SEMA3D: variants seen among roughly 807,000 people sequenced by gnomAD.
The protein encoded by SEMA3D is semaphorin 3D.
A neutral mutation model predicts 100.1 loss-of-function variants in SEMA3D; 84 were observed. The observed-to-expected ratio is 0.84, with a 90% confidence interval of 0.70 to 1.01. The LOEUF is 1.01. Ranked by LOEUF, SEMA3D falls within the 50% of genes least tolerant of loss-of-function variation. SEMA3D has a pLI of 0.00. For missense variants in SEMA3D, 875 were observed against 934.1 expected (o/e 0.94, Z 0.82); for synonymous variants, 312 against 320.7 (o/e 0.97, Z 0.29).
rs73394629 is a variant in SEMA3D, at chr7:85,016,377, C to A, written c.1546-1161G>T. On this transcript the variant is annotated intron_variant, in intron 15 of 18. Coordinates refer to ENST00000284136, the MANE Select transcript of SEMA3D (RefSeq NM_001384900.1). ...TATAAGTATAAATGTAATAACCCCC[C>A]CTAAATCTACTCCTCCTGCCCTACC... Among the ~76,000 whole-genome samples, 1,319 of 151,602 alleles carry A rather than the reference C, an allele frequency of 8.7e-3. 30 individuals are homozygous for A. Among genetic ancestry groups the A allele is most frequent in the African/African-American group, 0.03 (1,251 of 41,388 alleles).
In SEMA3D at chr7:85,041,809, G is replaced by A. The variant is rs559571718; in HGVS notation, c.976+362C>T. On this transcript the variant is annotated intron_variant, in intron 10 of 18. Transcript: ENST00000284136. ...CTGTACTTGCCAGCAGAGGGCACCC[G>A]TGGAATAAGGAATCCAAGATTTTCC... 6.0e-5 allele frequency: 11 copies of A among 182,422 alleles called. No homozygotes were observed. The East Asian group carries it at 1.3e-3, about 21-fold the overall frequency. 11.3% of individuals were successfully genotyped at this position (182,422 alleles called of 1,614,324 possible). A position where few individuals can be genotyped will look rare whatever the true frequency, so the allele number is the denominator to read the frequency against.
intron 2 of SEMA3D, among the ~76,000 whole-genome samples, chr7:85,126,408 T>TC (rs759236080): frequency 0.065 from 8,509 of 130,114 alleles, 599 homozygotes; most frequent in African/African-American, 0.2. Flanking sequence ...GTGTGTCGTG[T>TC]GTGTGTGTGT....
At chr7:85,069,188 T>TA (rs988058339) in intron 6 of SEMA3D, among the ~76,000 whole-genome samples, 14 of 152,072 alleles carry the variant, frequency 9.2e-5, no homozygotes, top group African/African-American at 3.4e-4. Flanking sequence ...ACACATGTAA[T>TA]AAAAAAGGAC....
At chr7:85,184,931 C>A (rs1791500450) in intron 1 of SEMA3D, among the ~76,000 whole-genome samples, 1 of 152,192 alleles carries the variant, frequency 6.6e-6, no homozygotes, top group Non-Finnish European at 1.5e-5. Context: ...CTGATCACTC[C>A]CAACCCCGAT....
the SEMA3D span, among the ~76,000 whole-genome samples, chr7:85,234,099 C>G: frequency 5.6e-4 from 86 of 152,260 alleles, no homozygotes; most frequent in African/African-American, 2.0e-3. Context: ...GGAATGCAGT[C>G]TACAATGTTT....
intron 1 of SEMA3D, among the ~76,000 whole-genome samples, chr7:85,180,127 A>G (rs1358409778): frequency 6.6e-6 from 1 of 152,164 alleles, no homozygotes; most frequent in Non-Finnish European, 1.5e-5. Flanking sequence ...GTTGAATTGT[A>G]ATCTGAATTA....
rs1789571242 is a variant in SEMA3D, at chr7:84,998,830, C to T, written c.*610G>A. ...AGAAATCCTGGGGGAAACATTAGTG[C>T]CCTTCAGTAAATCAATGTTGTAGTA... On this transcript the variant is annotated 3_prime_UTR_variant, in exon 19 of 19. Transcript: ENST00000284136. The T allele has an allele frequency of 6.5e-6, 1 of 152,686 alleles. No individual in the cohort carries two copies. The highest frequency in any genetic ancestry group is 1.5e-5 in the Non-Finnish European group (1 of 68,492). 9.5% of individuals were successfully genotyped at this position (152,686 alleles called of 1,614,324 possible). A position where few individuals can be genotyped will look rare whatever the true frequency, so the allele number is the denominator to read the frequency against.
At chr7:85,010,699 A>C (rs894109787) in intron 17 of SEMA3D, among the ~76,000 whole-genome samples, 1 of 151,866 alleles carries the variant, frequency 6.6e-6, no homozygotes, top group African/African-American at 2.4e-5. Context: ...AGTCTTGAAG[A>C]AGATAATAAG....
intron 18 of SEMA3D, among the ~76,000 whole-genome samples, chr7:85,004,196 GA>G (rs1035183246): frequency 5.3e-5 from 8 of 151,392 alleles, no homozygotes; most frequent in Admixed American, 2.6e-4. Flanking sequence ...AATGGTGAGT[GA>G]AAAAAAAGCT....
chr7:85,110,919 T>A (rs372139717), intron 3 of SEMA3D, among the ~76,000 whole-genome samples: 19 of 152,170 alleles, frequency 1.2e-4, no homozygotes, highest in African/African-American at 4.6e-4. Flanking sequence ...CACACTCACA[T>A]GCTGCTTTTA....
At chr7:85,057,715 T>C (rs2116093983) in intron 8 of SEMA3D, among the ~76,000 whole-genome samples, 1 of 152,158 alleles carries the variant, frequency 6.6e-6, no homozygotes, top group Admixed American at 6.5e-5. Context: ...GGTGGATCAC[T>C]TGAGGTCAGT....
intron 9 of SEMA3D, among the ~76,000 whole-genome samples, chr7:85,045,588 T>C (rs138588958): frequency 0.014 from 2,117 of 151,968 alleles, 39 homozygotes; most frequent in South Asian, 0.067. Context: ...GCAGACAGAT[T>C]TATCTAGATA....
intron 12 of SEMA3D, among the ~76,000 whole-genome samples, chr7:85,031,005 G>A (rs1790532672): frequency 6.6e-6 from 1 of 151,940 alleles, no homozygotes; most frequent in Non-Finnish European, 1.5e-5. Context: ...GACACCAGAG[G>A]GCAGAAGAAT....
intron 8 of SEMA3D, among the ~76,000 whole-genome samples, chr7:85,058,249 T>C (rs949490237): frequency 1.3e-5 from 2 of 152,096 alleles, no homozygotes; most frequent in African/African-American, 2.4e-5. Context: ...GAAAACCACA[T>C]AAAGTATTTA....
chr7:85,121,782 G>C lies in SEMA3D; in HGVS notation c.110C>G (p.Thr37Ser). 2 of 1,607,208 alleles carry C rather than the reference G, an allele frequency of 1.2e-6. No individual in the cohort carries two copies. Among genetic ancestry groups the C allele is most frequent in the Non-Finnish European group, 1.7e-6 (2 of 1,177,270 alleles). Residue 37 changes from threonine to serine, a missense_variant, in exon 3 of 19, where the codon ACT (threonine) becomes AGT (serine). Coordinates refer to ENST00000284136, the MANE Select transcript of SEMA3D (RefSeq NM_001384900.1). ...MTMLFLPVTG[T>S]LKQNIPRLKL... Reference sequence around the variant, plus strand: ...GAGTCTTGGAATATTTTGCTTCAAAGTGCCAGTGACTGGAAGAAACAACAT... The same window carrying C: ...GAGTCTTGGAATATTTTGCTTCAAACTGCCAGTGACTGGAAGAAACAACAT...
intron 2 of SEMA3D, among the ~76,000 whole-genome samples, chr7:85,149,432 A>G (rs1442055699): frequency 6.6e-6 from 1 of 152,174 alleles, no homozygotes; most frequent in Non-Finnish European, 1.5e-5. Flanking sequence ...TGGATGACAG[A>G]GCAAGACTCT....
intron 2 of SEMA3D, among the ~76,000 whole-genome samples, chr7:85,147,330 G>A (rs1790245368): frequency 6.6e-6 from 1 of 151,710 alleles, no homozygotes; most frequent in African/African-American, 2.4e-5. Flanking sequence ...TCAAATGCCT[G>A]ACCTCAAGTG....
intron 1 of SEMA3D, among the ~76,000 whole-genome samples, chr7:85,178,027 C>T (rs1271496102): frequency 1.3e-5 from 2 of 152,156 alleles, no homozygotes; most frequent in Admixed American, 6.5e-5. Context: ...TTATAAGGGG[C>T]TTTCCCCCAC....
chr7:85,138,646 ATT>A (rs1040106092), intron 2 of SEMA3D, among the ~76,000 whole-genome samples: 1 of 102,180 alleles, frequency 9.8e-6, no homozygotes, highest in African/African-American at 5.3e-5. Flanking sequence ...AATTATATAT[ATT>A]TAATTTAATA....
Sources: gnomAD v4.1 joint callset for allele counts (sites outside exome capture counted in the v4.1 genomes callset) on GRCh38, gnomAD v4.1.1 for gene constraint, MANE v1.5 for transcripts, NCBI Gene and HGNC (gene_info 2026-07-23, HGNC 2026-07-21) for gene names.